The following FTO variants were observed in gnomAD, a reference collection of about 807,000 sequenced individuals.
The protein encoded by FTO is FTO alpha-ketoglutarate dependent dioxygenase.
Under a neutral mutation model 63.9 loss-of-function variants are expected in FTO, and 47 were observed. The observed-to-expected ratio is 0.74, with a 90% CI of 0.58 to 0.94. The LOEUF (loss-of-function observed/expected upper bound fraction) is 0.94. FTO is among the 40% of genes least tolerant of loss of function. FTO has a pLI of 0.00. For synonymous variants in FTO, 207 were observed against 224.4 expected (o/e 0.92, Z 0.69); for missense variants, 562 against 618.1 (o/e 0.91, Z 0.96).
At chr16:54,107,566 C>T (rs568293981) in intron 8 of FTO, among the ~76,000 whole-genome samples, 15 of 152,304 alleles carry the variant, frequency 9.8e-5, no homozygotes, top group Admixed American at 5.2e-4. Flanking sequence ...GCACACACTA[C>T]GCTGTATCAA....
chr16:53,990,894 C>T (rs1314915378), intron 8 of FTO: 4 of 152,084 alleles, frequency 2.6e-5, no homozygotes, highest in African/African-American at 7.3e-5. Flanking sequence ...TCCCGAACTC[C>T]GGACCTCATG....
chr16:54,072,434 G>C (rs1314799476), intron 8 of FTO: 1 of 152,172 alleles, frequency 6.6e-6, no homozygotes, highest in Non-Finnish European at 1.5e-5. Context: ...AGGCATCAGC[G>C]GTGGCTCACT....
intron 3 of FTO, among the ~76,000 whole-genome samples, chr16:53,838,967 T>A (rs2079386482): frequency 6.6e-6 from 1 of 152,236 alleles, no homozygotes; most frequent in South Asian, 2.1e-4. Flanking sequence ...TTGTGATATA[T>A]TTTATTTGAG....
At chr16:53,910,854 G>C (rs2081672879) in intron 7 of FTO, among the ~76,000 whole-genome samples, 1 of 152,088 alleles carries the variant, frequency 6.6e-6, no homozygotes, top group Non-Finnish European at 1.5e-5. Flanking sequence ...TTTTAGATAG[G>C]TACATAGAAT....
In FTO at chr16:54,119,973, C is replaced by T. The variant is rs368989062; in HGVS notation, c.*8058C>T. 2.6e-5 allele frequency: 4 copies of T among 152,196 alleles called. No individual in the cohort carries two copies. Among genetic ancestry groups the T allele is most frequent in the South Asian group, 2.1e-4 (1 of 4,828 alleles). The allele number at this position is 152,196 out of a possible 1,614,324, so 9.4% of individuals were successfully genotyped here. On this transcript the variant is annotated 3_prime_UTR_variant, in exon 9 of 9. Transcript: ENST00000471389. ...CGATTTCCCAAGATTTAGACTGGGT[C>T]GGGTTGTTATTTCTTTTTTCCCTGA...
intron 8 of FTO, among the ~76,000 whole-genome samples, chr16:54,030,997 C>T (rs1296193261): frequency 6.6e-6 from 1 of 152,058 alleles, no homozygotes; most frequent in Non-Finnish European, 1.5e-5. Flanking sequence ...AATTTCAATG[C>T]AAAGGAGAAA....
chr16:53,873,634 G>C (rs2080565053), intron 4 of FTO, 152 bp from the exon 5 acceptor site: 2 of 616,646 alleles, frequency 3.2e-6, no homozygotes, highest in Non-Finnish European at 5.8e-6. Flanking sequence ...ATAAGGGATT[G>C]ATTAAAGAAT....
intron 1 of FTO, among the ~76,000 whole-genome samples, chr16:53,809,032 G>T (rs952848732): frequency 6.6e-6 from 1 of 152,166 alleles, no homozygotes; most frequent in South Asian, 2.1e-4. Context: ...TGAATGTAAG[G>T]TCAGATATTC....
intron 8 of FTO, among the ~76,000 whole-genome samples, chr16:53,974,716 G>A (rs568796583): frequency 3.2e-4 from 49 of 152,310 alleles, no homozygotes; most frequent in African/African-American, 1.2e-3. Context: ...TTGTGAACAA[G>A]CAGCCTGTAT....
chr16:54,118,769 A>T lies in FTO; in HGVS notation c.*6854A>T, dbSNP rs1363258358. On this transcript the variant is annotated 3_prime_UTR_variant, in exon 9 of 9. Transcript: ENST00000471389. The stretch of plus-strand genomic sequence containing the variant: ...CCTTCCCAGCCTCCGAGAGAAGGAG[A>T]GAGGGTCCACAAGCCAGATCCATCC... The T allele has an allele frequency of 6.6e-6, 1 of 152,044 alleles. No individual in the cohort carries two copies. The highest frequency in any genetic ancestry group is 1.5e-5 in the Non-Finnish European group (1 of 68,032). The allele number at this position is 152,044 out of a possible 1,614,324, so 9.4% of individuals were successfully genotyped here.
At chr16:53,856,984 T>G (rs1003424427) in intron 4 of FTO, among the ~76,000 whole-genome samples, 7 of 152,044 alleles carry the variant, frequency 4.6e-5, no homozygotes, top group Non-Finnish European at 5.9e-5. Flanking sequence ...GTTAAAAAAT[T>G]GAATGCCCTT....
At chr16:53,729,157 G>A (rs1159687993) in intron 1 of FTO, among the ~76,000 whole-genome samples, 1 of 152,030 alleles carries the variant, frequency 6.6e-6, no homozygotes, top group South Asian at 2.1e-4. Flanking sequence ...TCAGGCCACT[G>A]CTGTGTTCAG....
At chr16:53,747,221 A>G (rs1178712481) in intron 1 of FTO, among the ~76,000 whole-genome samples, 1 of 152,222 alleles carries the variant, frequency 6.6e-6, no homozygotes, top group Non-Finnish European at 1.5e-5. Flanking sequence ...GTAAATATCC[A>G]GAAGTGAAAT....
intron 3 of FTO, among the ~76,000 whole-genome samples, chr16:53,829,167 G>A (rs1454026225): frequency 6.6e-6 from 1 of 152,196 alleles, no homozygotes; most frequent in Non-Finnish European, 1.5e-5. Flanking sequence ...TGAGATTACA[G>A]GTGTGAGCCA....
chr16:54,050,939 A>T (rs2144329673), intron 8 of FTO, among the ~76,000 whole-genome samples: 1 of 152,236 alleles, frequency 6.6e-6, no homozygotes, highest in East Asian at 1.9e-4. Flanking sequence ...GACAGTATGA[A>T]AACATTCTAT....
intron 8 of FTO, among the ~76,000 whole-genome samples, chr16:54,069,351 G>A (rs936368717): frequency 6.6e-6 from 1 of 152,130 alleles, no homozygotes; most frequent in African/African-American, 2.4e-5. Context: ...AGAACCAGAG[G>A]TTTAACATTC....
intron 8 of FTO, chr16:53,979,539 G>T (rs1443845469): frequency 3.4e-5 from 5 of 147,438 alleles, no homozygotes; most frequent in African/African-American, 1.8e-4. Flanking sequence ...TTATGGCTGT[G>T]TGTGTGTGTG....
At chr16:53,987,772 C>T (rs1203390695) in intron 8 of FTO, among the ~76,000 whole-genome samples, 2 of 152,022 alleles carry the variant, frequency 1.3e-5, no homozygotes, top group African/African-American at 2.4e-5. Flanking sequence ...TTGGTAAAGC[C>T]ATTTTACTCT....
chr16:53,790,259 A>T (rs2077873632), intron 1 of FTO, among the ~76,000 whole-genome samples: 1 of 152,040 alleles, frequency 6.6e-6, no homozygotes, highest in Non-Finnish European at 1.5e-5. Context: ...CTGAAACTGT[A>T]CCAATTAAAC....
Sources: gnomAD v4.1 joint callset for allele counts (sites outside exome capture counted in the v4.1 genomes callset) on GRCh38, gnomAD v4.1.1 for gene constraint, MANE v1.5 for transcripts, NCBI Gene and HGNC (gene_info 2026-07-23, HGNC 2026-07-21) for gene names.